The following REDIC1 variants were observed in gnomAD, a reference collection of about 807,000 sequenced individuals.
REDIC1 encodes the protein regulator of DNA class I crossover intermediates 1, also known as HEI10 Interacting Protein 1.
At chr12:39,769,525 G>GT in the REDIC1 span, among the ~76,000 whole-genome samples, 8 of 85,842 alleles carry the variant, frequency 9.3e-5, no homozygotes, top group African/African-American at 4.0e-4. Context: ...AGAAAAGAAA[G>GT]TTTTTTAAAA....
the REDIC1 span, among the ~76,000 whole-genome samples, chr12:39,657,313 T>A: frequency 1.3e-5 from 2 of 152,232 alleles, no homozygotes; most frequent in Non-Finnish European, 2.9e-5. Flanking sequence ...CTAGGAGCAA[T>A]AGGCCATACT....
the REDIC1 span, among the ~76,000 whole-genome samples, chr12:39,882,126 C>A: frequency 2.0e-5 from 3 of 152,182 alleles, no homozygotes; most frequent in Non-Finnish European, 2.9e-5. Flanking sequence ...CATCATCACT[C>A]ATTCCTGCCC....
chr12:39,699,444 G>T, the REDIC1 span, among the ~76,000 whole-genome samples: 1 of 152,202 alleles, frequency 6.6e-6, no homozygotes, highest in South Asian at 2.1e-4. Flanking sequence ...TGGCTCAGAG[G>T]GTCCTACGCC....
the REDIC1 span, among the ~76,000 whole-genome samples, chr12:39,843,886 C>T: frequency 2.4e-4 from 36 of 152,094 alleles, no homozygotes; most frequent in East Asian, 5.6e-3. Context: ...TGGTTCTGAG[C>T]TATAGTATAT....
chr12:39,741,980 CACAA>C, the REDIC1 span, among the ~76,000 whole-genome samples: 4 of 152,296 alleles, frequency 2.6e-5, no homozygotes, highest in South Asian at 2.1e-4. Flanking sequence ...ATCTTATTGC[CACAA>C]ACAGTCTGTT....
At chr12:39,762,661 C>T in the REDIC1 span, among the ~76,000 whole-genome samples, 5 of 151,808 alleles carry the variant, frequency 3.3e-5, no homozygotes, top group Admixed American at 1.3e-4. Flanking sequence ...GAGGAATACA[C>T]GATTAGGATG....
chr12:39,739,404 T>C, the REDIC1 span, among the ~76,000 whole-genome samples: 1 of 152,174 alleles, frequency 6.6e-6, no homozygotes, highest in Admixed American at 6.5e-5. Context: ...TGAATACCTA[T>C]TGAGCGCAGG....
chr12:39,724,067 C>T, the REDIC1 span, among the ~76,000 whole-genome samples: 1 of 152,072 alleles, frequency 6.6e-6, no homozygotes, highest in Admixed American at 6.6e-5. Context: ...TGTCTTTTGG[C>T]TGCAGATACC....
chr12:39,814,753 A>C, the REDIC1 span, among the ~76,000 whole-genome samples: 6 of 152,232 alleles, frequency 3.9e-5, no homozygotes, highest in Non-Finnish European at 8.8e-5. Context: ...GTAAGAAAGA[A>C]ATTTTAAATT....
At chr12:39,701,199 G>A in the REDIC1 span, among the ~76,000 whole-genome samples, 6 of 152,064 alleles carry the variant, frequency 3.9e-5, no homozygotes, top group South Asian at 2.1e-4. Context: ...CCCATACCAC[G>A]TGCGGAGACA....
At chr12:39,709,784 A>T in the REDIC1 span, among the ~76,000 whole-genome samples, 2 of 151,856 alleles carry the variant, frequency 1.3e-5, no homozygotes, top group Non-Finnish European at 2.9e-5. Flanking sequence ...GCTATTGTGA[A>T]TAATGCTGCA....
chr12:39,642,603 T>C, the REDIC1 span, among the ~76,000 whole-genome samples: 2 of 151,772 alleles, frequency 1.3e-5, no homozygotes. Context: ...AACAACTTCT[T>C]AATTCCAGGA....
the REDIC1 span, chr12:39,764,704 T>C: frequency 6.3e-7 from 1 of 1,597,636 alleles, no homozygotes; most frequent in East Asian, 2.2e-5. Context: ...GGCAATTCAA[T>C]TAATGCAACA....
chr12:39,809,723 T>C, the REDIC1 span, among the ~76,000 whole-genome samples: 1 of 152,162 alleles, frequency 6.6e-6, no homozygotes, highest in Admixed American at 6.6e-5. Context: ...GTTCTCATTG[T>C]TCAGTTCCCA....
the REDIC1 span, among the ~76,000 whole-genome samples, chr12:39,733,319 T>C: frequency 6.6e-6 from 1 of 152,210 alleles, no homozygotes; most frequent in African/African-American, 2.4e-5. Context: ...TGCCAAAGCA[T>C]TGTTTTCCTT....
the REDIC1 span, among the ~76,000 whole-genome samples, chr12:39,795,019 C>T: frequency 6.6e-6 from 1 of 152,108 alleles, no homozygotes; most frequent in Non-Finnish European, 1.5e-5. Flanking sequence ...TGGATATTGT[C>T]TTACTGCTGG....
the REDIC1 span, among the ~76,000 whole-genome samples, chr12:39,641,355 A>T: frequency 6.6e-6 from 1 of 151,790 alleles, no homozygotes; most frequent in African/African-American, 2.4e-5. Context: ...TATTACACTG[A>T]TTGCATTCCA....
chr12:39,899,042 T>A, the REDIC1 span, among the ~76,000 whole-genome samples: 1 of 152,090 alleles, frequency 6.6e-6, no homozygotes, highest in East Asian at 1.9e-4. Context: ...ATTGGAATAG[T>A]TTCAGAAGGA....
the REDIC1 span, among the ~76,000 whole-genome samples, chr12:39,730,493 T>C: frequency 1.3e-5 from 2 of 152,218 alleles, no homozygotes; most frequent in Non-Finnish European, 2.9e-5. Context: ...CCCCCAACTT[T>C]CTTCTGGCTT....
Sources: gnomAD v4.1 joint callset for allele counts (sites outside exome capture counted in the v4.1 genomes callset) on GRCh38, gnomAD v4.1.1 for gene constraint, MANE v1.5 for transcripts, NCBI Gene and HGNC (gene_info 2026-07-23, HGNC 2026-07-21) for gene names.